DIRAS2: variants seen among roughly 807,000 people sequenced by gnomAD.
DIRAS2 encodes DIRAS family GTPase 2.
DIRAS2 carries 5 observed loss-of-function variants against 13.9 expected under a neutral mutation model. That is an observed-to-expected ratio of 0.36 (90% CI 0.19 to 0.76). The LOEUF is 0.76. Among genes scored for constraint, DIRAS2 ranks in the 30% least tolerant of loss-of-function variants. The pLI, the probability that DIRAS2 is intolerant of heterozygous loss-of-function variation, is 0.53. For synonymous variants in DIRAS2, 111 were observed against 105.4 expected (o/e 1.05, Z -0.33); for missense variants, 191 against 263.0 (o/e 0.73, Z 1.89).
chr9:90,642,280 A>G (rs1355031978), intron 1 of DIRAS2, among the ~76,000 whole-genome samples: 1 of 152,222 alleles, frequency 6.6e-6, no homozygotes, highest in African/African-American at 2.4e-5. Context: ...CTTTAAGAAG[A>G]CAAACAAAAG....
intron 1 of DIRAS2, among the ~76,000 whole-genome samples, chr9:90,620,399 C>A (rs1825209081): frequency 6.6e-6 from 1 of 152,122 alleles, no homozygotes; most frequent in South Asian, 2.1e-4. Flanking sequence ...AGAAGATGAA[C>A]AAACCCTGAA....
chr9:90,615,882 C>G (rs966449601), intron 1 of DIRAS2, among the ~76,000 whole-genome samples: 7 of 152,330 alleles, frequency 4.6e-5, no homozygotes, highest in Middle Eastern at 3.4e-3. Flanking sequence ...CTAACATATG[C>G]ACTTTTAGGG....
At chr9:90,636,027 C>CTTTTTTTTTTTTTTTTTTT (rs1172661795) in intron 1 of DIRAS2, among the ~76,000 whole-genome samples, 1 of 66,260 alleles carries the variant, frequency 1.5e-5, no homozygotes, top group Non-Finnish European at 2.7e-5. Context: ...ACTGAATATT[C>CTTTTTTTTTTTTTTTTTTT]TTTTTTTTTT....
rs78746393 is a variant in DIRAS2 at position 90,630,330 on chromosome 9, C to T, written c.-37+12422G>A. 2.0e-3 allele frequency among the ~76,000 whole-genome samples: 310 copies of T among 152,274 alleles called. 12 individuals carry two copies. The East Asian group carries it at 0.051, about 25-fold the overall frequency. ...AAAGTAAATAAAGTGTTTTGAAAAA[C>T]TCTGCTTAAAACCACTCAAAGGTTG... On this transcript the variant is annotated intron_variant, in intron 1 of 1. Coordinates refer to ENST00000375765, the MANE Select transcript of DIRAS2 (RefSeq NM_017594.5).
In DIRAS2 at chr9:90,613,699, G is replaced by C; in HGVS notation, c.129C>G (p.Thr43=). ...TGTCACAGCTGATCACTTGCCGGTAGGTGTCTTCCACCGTCGGGATGTAGC... is the reference window on the plus strand; with the variant it reads ...TGTCACAGCTGATCACTTGCCGGTACGTGTCTTCCACCGTCGGGATGTAGC... The part of the protein sequence containing the change: ...RESYIPTVED[T]YRQVISCDKS... The change falls in exon 2 of 2, where the codon ACC becomes ACG. Residue 43 remains threonine, a synonymous_variant. Transcript: ENST00000375765. The surrounding 1 kb of genome is among the most constrained non-coding windows in gnomAD (Gnocchi z 5.6). The C allele has an allele frequency of 6.2e-7, 1 of 1,614,066 alleles. No homozygotes were observed. The highest frequency in any genetic ancestry group is 8.5e-7 in the Non-Finnish European group (1 of 1,180,008).
At position 90,628,379 on chromosome 9, in the gene DIRAS2, A is replaced by T. The variant is rs532846176; in HGVS notation, c.-37+14373T>A. Among the ~76,000 whole-genome samples the T allele has an allele frequency of 7.8e-4, 119 of 152,330 alleles. 1 individual carries two copies. The highest frequency in any genetic ancestry group is 1.2e-3 in the Non-Finnish European group (83 of 68,034). On this transcript the variant is annotated intron_variant, in intron 1 of 1. Coordinates refer to ENST00000375765, the MANE Select transcript of DIRAS2 (RefSeq NM_017594.5). ...AATGATCATCTTTCATAGATTTGTG[A>T]GTATATCAGTACTTTACTGCCACCC...
intron 1 of DIRAS2, among the ~76,000 whole-genome samples, chr9:90,636,601 G>T (rs1376145588): frequency 6.6e-6 from 1 of 152,118 alleles, no homozygotes; most frequent in Non-Finnish European, 1.5e-5. Context: ...ACCAGAAATG[G>T]TCTCTTGTCA....
intron 1 of DIRAS2, among the ~76,000 whole-genome samples, chr9:90,628,522 T>TAC (rs71360439): frequency 0.093 from 13,943 of 149,164 alleles, 633 homozygotes; most frequent in Non-Finnish European, 0.11. Flanking sequence ...ACAAAATTTA[T>TAC]ACACACACAC....
At chr9:90,642,318 G>T (rs1825426004) in intron 1 of DIRAS2, among the ~76,000 whole-genome samples, 1 of 152,238 alleles carries the variant, frequency 6.6e-6, no homozygotes, top group Non-Finnish European at 1.5e-5. Flanking sequence ...CCAAGCGCAT[G>T]AAGTGAAGGA....
At position 90,620,114 on chromosome 9, in the gene DIRAS2, G is replaced by A. The variant is rs1020604963; in HGVS notation, c.-36-6251C>T. ...GGAAATGAAGTGTTCTAAAACAGTG[G>A]TAATGGCTGTACCGTAAAACCCTGC... is the stretch of plus-strand genomic sequence containing the variant. On this transcript the variant is annotated intron_variant, in intron 1 of 1. Coordinates refer to ENST00000375765, the MANE Select transcript of DIRAS2 (RefSeq NM_017594.5). 4.6e-5 allele frequency among the ~76,000 whole-genome samples: 7 copies of A among 152,266 alleles called. No individual in the cohort carries two copies. The East Asian group carries it at 1.2e-3, about 25-fold the overall frequency.
chr9:90,614,546 G>A (rs192959462), intron 1 of DIRAS2, among the ~76,000 whole-genome samples: 2 of 152,244 alleles, frequency 1.3e-5, no homozygotes, highest in African/African-American at 4.8e-5. Context: ...CAATAAGAGG[G>A]AAGGCTAGGA....
chr9:90,640,241 A>G (rs1564023847), intron 1 of DIRAS2, among the ~76,000 whole-genome samples: 1 of 152,234 alleles, frequency 6.6e-6, no homozygotes, highest in African/African-American at 2.4e-5. Context: ...GTACAGATTT[A>G]TAAGAAAACA....
At position 90,612,403 on chromosome 9, in the gene DIRAS2, A is replaced by C. The variant is rs1825123017; in HGVS notation, c.*825T>G. ...GCTTGTATTTAAAATCTGAGGGCTGAAAGAAGTTATACTCCTCACAGGTCA... is the reference window on the plus strand; with the variant it reads ...GCTTGTATTTAAAATCTGAGGGCTGCAAGAAGTTATACTCCTCACAGGTCA... On this transcript the variant is annotated 3_prime_UTR_variant, in exon 2 of 2. Transcript: ENST00000375765. 1 of 152,652 alleles carries C rather than the reference A, an allele frequency of 6.6e-6. No homozygotes were observed. Among genetic ancestry groups the C allele is most frequent in the Admixed American group, 6.5e-5 (1 of 15,282 alleles). The allele number at this position is 152,652 out of a possible 1,614,324, so 9.5% of individuals were successfully genotyped here. A position where few individuals can be genotyped will look rare whatever the true frequency, so the allele number is the denominator to read the frequency against.
intron 1 of DIRAS2, among the ~76,000 whole-genome samples, chr9:90,632,590 A>G (rs1825335324): frequency 6.6e-6 from 1 of 152,168 alleles, no homozygotes; most frequent in Non-Finnish European, 1.5e-5. Flanking sequence ...TTTTTAAAAA[A>G]TTTGTGTTTA....
At chr9:90,641,164 T>TG (rs1318897565) in intron 1 of DIRAS2, among the ~76,000 whole-genome samples, 10 of 152,234 alleles carry the variant, frequency 6.6e-5, no homozygotes, top group African/African-American at 2.4e-4. Context: ...CTGAGAATGC[T>TG]GGGTTGTTAG....
At chr9:90,625,557 A>G (rs1427164302) in intron 1 of DIRAS2, among the ~76,000 whole-genome samples, 1 of 152,160 alleles carries the variant, frequency 6.6e-6, no homozygotes, top group Non-Finnish European at 1.5e-5. Context: ...TTATCCCACC[A>G]CCATTTGTTG....
Position 90,610,582 on chromosome 9 carries a change from T to G in DIRAS2, c.*2646A>C, listed in dbSNP as rs962868291. On this transcript the variant is annotated 3_prime_UTR_variant, in exon 2 of 2. Transcript: ENST00000375765. ...CCCATATGCAATGTAGGATGTGTTT[T>G]CAAGAACCACAGCTACATATTTGGG... 3 of 395,572 alleles carry G rather than the reference T, an allele frequency of 7.6e-6. No homozygotes were observed. Among genetic ancestry groups the G allele is most frequent in the African/African-American group, 6.2e-5 (3 of 48,562 alleles). The allele number at this position is 395,572 out of a possible 1,614,324, so 24.5% of individuals were successfully genotyped here.
At chr9:90,632,889 C>A (rs978913734) in intron 1 of DIRAS2, among the ~76,000 whole-genome samples, 1 of 152,178 alleles carries the variant, frequency 6.6e-6, no homozygotes, top group Non-Finnish European at 1.5e-5. Context: ...AGGCTGCAAC[C>A]ACAGAACACT....
At chr9:90,628,978 C>CA (rs1825298588) in intron 1 of DIRAS2, among the ~76,000 whole-genome samples, 1 of 152,194 alleles carries the variant, frequency 6.6e-6, no homozygotes, top group Non-Finnish European at 1.5e-5. Context: ...CTTCAGCCTC[C>CA]TGAGTAGCTG....
Sources: gnomAD v4.1 joint callset for allele counts (sites outside exome capture counted in the v4.1 genomes callset) on GRCh38, gnomAD v4.1.1 for gene constraint, Gnocchi (gnomAD v3.1) non-coding constraint, MANE v1.5 for transcripts, NCBI Gene and HGNC (gene_info 2026-07-23, HGNC 2026-07-21) for gene names.